Variants in PRKCE observed in about 807,000 individuals in gnomAD.
PRKCE encodes the protein protein kinase C epsilon type.
In PRKCE, 16 loss-of-function variants were observed where a neutral mutation model predicts 85.4. That is an observed-to-expected ratio of 0.19 (90% CI 0.13 to 0.28). The LOEUF (loss-of-function observed/expected upper bound fraction) is 0.28, where lower values mean the gene tolerates loss of function less well. PRKCE is among the 10% of genes least tolerant of loss of function. PRKCE has a pLI of 1.00. For synonymous variants in PRKCE, 388 were observed against 371.5 expected, an observed-to-expected ratio of 1.04 and a Z score of -0.51; for missense variants, 573 against 975.2, an observed-to-expected ratio of 0.59 and a Z score of 5.49.
rs141273590 is a variant in PRKCE at position 45,978,117 on chromosome 2, C to G, written c.573-859C>G. The G allele has an allele frequency of 3.8e-3, 586 of 152,416 alleles. 7 individuals carry two copies. The highest frequency in any genetic ancestry group is 0.013 in the African/African-American group (558 of 41,562). The allele number at this position is 152,416 out of a possible 1,614,324, so 9.4% of individuals were successfully genotyped here. On this transcript the variant is annotated intron_variant, in intron 3 of 14. Transcript: ENST00000306156. ...GCCCAACTGAGGCAGAAATAATGCC[C>G]CATTCCAGCCACAGATACTTCCAAT...
chr2:46,081,421 A>G (rs1274636329), intron 10 of PRKCE, among the ~76,000 whole-genome samples: 2 of 152,398 alleles, frequency 1.3e-5, no homozygotes, highest in South Asian at 4.1e-4. Context: ...ACAGCAAGCC[A>G]GAGTTACCAA....
intron 1 of PRKCE, among the ~76,000 whole-genome samples, chr2:45,835,311 A>C (rs1690766649): frequency 6.6e-6 from 1 of 152,208 alleles, no homozygotes; most frequent in Admixed American, 6.5e-5. Flanking sequence ...AAGTGCATTC[A>C]TTTTAAGTGT....
chr2:45,717,357 C>G (rs1230447521), intron 1 of PRKCE, among the ~76,000 whole-genome samples: 1 of 152,196 alleles, frequency 6.6e-6, no homozygotes, highest in Non-Finnish European at 1.5e-5. Context: ...TTCTTACCCC[C>G]TCTCTCTCAA....
intron 11 of PRKCE, among the ~76,000 whole-genome samples, chr2:46,113,786 G>A (rs1475965621): frequency 2.6e-5 from 4 of 152,124 alleles, no homozygotes; most frequent in Non-Finnish European, 5.9e-5. Flanking sequence ...TGTAACAGGG[G>A]TGGCATGACA....
chr2:45,786,337 C>T lies in PRKCE; in HGVS notation c.349-56663C>T, dbSNP rs1420919962. On this transcript the variant is annotated intron_variant, in intron 1 of 14. Transcript: ENST00000306156. This position sits in a 1 kb window ranked among gnomAD's most constrained non-coding sequence, Gnocchi z 5.3. Reference sequence around the variant, plus strand: ...GAGGAGTTACAATGAAGAGACAGTTCAAGTGACAGTTGCTGTTTAACCGCC... The same window carrying T: ...GAGGAGTTACAATGAAGAGACAGTTTAAGTGACAGTTGCTGTTTAACCGCC... Among the ~76,000 whole-genome samples the T allele has an allele frequency of 6.6e-6, 1 of 152,150 alleles. No individual in the cohort carries two copies. The highest frequency in any genetic ancestry group is 1.5e-5 in the Non-Finnish European group (1 of 68,038).
At chr2:46,007,078 G>A (rs889161181) in intron 8 of PRKCE, among the ~76,000 whole-genome samples, 2 of 152,192 alleles carry the variant, frequency 1.3e-5, no homozygotes, top group African/African-American at 2.4e-5. Context: ...CATCTTCAGA[G>A]GAAACTTGAA....
At chr2:45,886,684 G>C (rs1695327121) in intron 2 of PRKCE, among the ~76,000 whole-genome samples, 1 of 152,172 alleles carries the variant, frequency 6.6e-6, no homozygotes, top group African/African-American at 2.4e-5. Flanking sequence ...CTAATGCTTG[G>C]CTATAATCTA....
At chr2:46,077,129 A>G (rs1668626517) in intron 10 of PRKCE, among the ~76,000 whole-genome samples, 1 of 151,814 alleles carries the variant, frequency 6.6e-6, no homozygotes, top group Non-Finnish European at 1.5e-5. Context: ...ATTTGCTAAG[A>G]CTGCAGATTT....
intron 10 of PRKCE, among the ~76,000 whole-genome samples, chr2:46,011,790 C>CCA (rs61758297): frequency 0.047 from 7,167 of 151,894 alleles, 193 homozygotes; most frequent in Non-Finnish European, 0.069. Flanking sequence ...ACACATGCAC[C>CCA]CACACACACA....
intron 10 of PRKCE, among the ~76,000 whole-genome samples, chr2:46,065,291 T>C (rs1308629693): frequency 1.3e-5 from 2 of 151,986 alleles, no homozygotes; most frequent in African/African-American, 4.8e-5. Flanking sequence ...TGTCTGTGGG[T>C]AAACTAAGCA....
intron 11 of PRKCE, among the ~76,000 whole-genome samples, chr2:46,087,937 T>C (rs1669800896): frequency 6.6e-6 from 1 of 152,216 alleles, no homozygotes; most frequent in Non-Finnish European, 1.5e-5. Context: ...TCAGGGAAGG[T>C]CTGGGCCTTC....
chr2:46,125,762 G>C (rs1673787092), intron 11 of PRKCE, among the ~76,000 whole-genome samples: 1 of 152,184 alleles, frequency 6.6e-6, no homozygotes, highest in African/African-American at 2.4e-5. Flanking sequence ...AGAAAAATCA[G>C]TGTTCTGCCT....
rs768129749 is a variant in PRKCE at position 46,068,036 on chromosome 2, G to A, written c.1438-18172G>A. ...GATTATATCACTCGCGAAGGGATTA[G>A]TCAGAAGGCAATGGAAACATCTTTC... On this transcript the variant is annotated intron_variant, in intron 10 of 14. Coordinates refer to ENST00000306156, the MANE Select transcript of PRKCE (RefSeq NM_005400.3). This position sits in a 1 kb window ranked among gnomAD's most constrained non-coding sequence, Gnocchi z 4.3. 6.6e-5 allele frequency among the ~76,000 whole-genome samples: 10 copies of A among 152,170 alleles called. No homozygotes were observed. The highest frequency in any genetic ancestry group is 1.2e-4 in the Non-Finnish European group (8 of 68,018).
chr2:45,955,137 T>G (rs776684091), intron 2 of PRKCE, among the ~76,000 whole-genome samples: 1 of 152,186 alleles, frequency 6.6e-6, no homozygotes, highest in Non-Finnish European at 1.5e-5. Flanking sequence ...AATATCCAAT[T>G]CAATAGTAAA....
intron 2 of PRKCE, among the ~76,000 whole-genome samples, chr2:45,913,965 T>A (rs1221886442): frequency 3.9e-5 from 6 of 152,254 alleles, no homozygotes; most frequent in Non-Finnish European, 8.8e-5. Flanking sequence ...TTATCCTCGA[T>A]GCAGAATTTA....
chr2:45,959,241 A>G (rs1436284521), intron 2 of PRKCE, among the ~76,000 whole-genome samples: 4 of 152,160 alleles, frequency 2.6e-5, no homozygotes, highest in Non-Finnish European at 5.9e-5. Context: ...TTTGTGCCAG[A>G]CTGCTAGCCA....
In PRKCE at chr2:46,003,261, C is replaced by G. The variant is rs543990163; in HGVS notation, c.967-1281C>G. Among the ~76,000 whole-genome samples, 6 of 152,308 alleles carry G rather than the reference C, an allele frequency of 3.9e-5. No individual in the cohort carries two copies. The Middle Eastern group carries it at 0.014, about 345-fold the overall frequency. Reference sequence around the variant, plus strand: ...GTAGCCCTCGTGTTGCCCCTTGCAACTAGTCCATCATCCAGAAAGGATGTG... The same window carrying G: ...GTAGCCCTCGTGTTGCCCCTTGCAAGTAGTCCATCATCCAGAAAGGATGTG... On this transcript the variant is annotated intron_variant, in intron 7 of 14. Coordinates refer to ENST00000306156, the MANE Select transcript of PRKCE (RefSeq NM_005400.3).
At chr2:45,790,647 G>T (rs1686962821) in intron 1 of PRKCE, among the ~76,000 whole-genome samples, 1 of 152,200 alleles carries the variant, frequency 6.6e-6, no homozygotes, top group African/African-American at 2.4e-5. Flanking sequence ...CACACATTCT[G>T]GCCATTGTGC....
chr2:45,877,609 T>C (rs886964122), intron 2 of PRKCE, among the ~76,000 whole-genome samples: 1 of 152,214 alleles, frequency 6.6e-6, no homozygotes, highest in Non-Finnish European at 1.5e-5. Context: ...ATATTCTAGG[T>C]CACTATGTTT....
Sources: gnomAD v4.1 joint callset for allele counts (sites outside exome capture counted in the v4.1 genomes callset) on GRCh38, gnomAD v4.1.1 for gene constraint, Gnocchi (gnomAD v3.1) non-coding constraint, MANE v1.5 for transcripts, NCBI Gene and HGNC (gene_info 2026-07-23, HGNC 2026-07-21) for gene names.